Variants in ESRRG observed in about 807,000 individuals in gnomAD.
ESRRG encodes the protein estrogen-related receptor gamma.
In ESRRG, 13 loss-of-function variants were observed where a neutral mutation model predicts 44.0. The observed-to-expected ratio is 0.30, with a 90% confidence interval of 0.19 to 0.47. ESRRG has a LOEUF of 0.47. Ranked by LOEUF, ESRRG falls within the 20% of genes least tolerant of loss-of-function variation. The probability of loss-of-function intolerance (pLI) is 1.00; values close to 1 mark genes in which losing one functional copy is unlikely to be tolerated. For missense variants in ESRRG, 395 were observed against 580.6 expected (o/e 0.68, Z 3.29); for synonymous variants, 215 against 214.6 (o/e 1.00, Z -0.02).
chr1:217,004,145 C>T (rs373993610), intron 1 of ESRRG, among the ~76,000 whole-genome samples: 75 of 152,062 alleles, frequency 4.9e-4, no homozygotes, highest in Non-Finnish European at 7.8e-4. Flanking sequence ...AATTGACAGA[C>T]GATGAAGTAT....
chr1:216,936,070 T>C (rs2064103424), intron 2 of ESRRG, among the ~76,000 whole-genome samples: 2 of 152,098 alleles, frequency 1.3e-5, no homozygotes, highest in Non-Finnish European at 2.9e-5. Flanking sequence ...AGAACCCATT[T>C]GGGAGCCCTC....
rs1359054800 is a variant in ESRRG, at chr1:216,503,491, T to C, written c.*3448A>G. On this transcript the variant is annotated 3_prime_UTR_variant, in exon 7 of 7. Coordinates refer to ENST00000408911, the MANE Select transcript of ESRRG (RefSeq NM_001438.4). ...CAGATGTGAAGCCCATCTACAGCTA[T>C]AGACATGGTTTTATTATTATTATTA... The C allele has an allele frequency of 6.6e-6, 1 of 151,754 alleles. No individual in the cohort carries two copies. 9.4% of individuals were successfully genotyped at this position (151,754 alleles called of 1,614,324 possible).
chr1:216,993,835 T>C (rs576492454), intron 1 of ESRRG, among the ~76,000 whole-genome samples: 77 of 152,350 alleles, frequency 5.1e-4, no homozygotes, highest in Middle Eastern at 3.4e-3. Flanking sequence ...GCCTGAATTA[T>C]AGCCTATAGC....
chr1:216,571,469 A>AAAAC (rs1008610575), intron 3 of ESRRG, among the ~76,000 whole-genome samples: 54 of 152,136 alleles, frequency 3.5e-4, no homozygotes, highest in African/African-American at 1.3e-3. Context: ...AAACAAACAT[A>AAAAC]AAACAAACAA....
chr1:216,918,976 G>A (rs773115086), intron 2 of ESRRG, among the ~76,000 whole-genome samples: 15 of 151,516 alleles, frequency 9.9e-5, no homozygotes, highest in Non-Finnish European at 2.1e-4. Context: ...AATATCAAAT[G>A]CATAATATAA....
chr1:216,775,468 A>C (rs1270474263), intron 2 of ESRRG, among the ~76,000 whole-genome samples: 1 of 145,028 alleles, frequency 6.9e-6, no homozygotes, highest in Admixed American at 7.0e-5. Flanking sequence ...TGTGTTTCTC[A>C]TGTTGGTGAA....
intron 2 of ESRRG, among the ~76,000 whole-genome samples, chr1:216,781,217 G>A (rs1370729152): frequency 6.6e-6 from 1 of 151,696 alleles, no homozygotes; most frequent in African/African-American, 2.4e-5. Flanking sequence ...AACATTTATT[G>A]AGTACTTACT....
chr1:216,505,986 C>T lies in ESRRG; in HGVS notation c.*953G>A, dbSNP rs1288805951. The T allele has an allele frequency of 2.0e-5, 3 of 152,560 alleles. No homozygotes were observed. The highest frequency in any genetic ancestry group is 4.4e-5 in the Non-Finnish European group (3 of 68,028). The allele number at this position is 152,560 out of a possible 1,614,324, so 9.5% of individuals were successfully genotyped here. A position where few individuals can be genotyped will look rare whatever the true frequency, so the allele number is the denominator to read the frequency against. ...TGTTCGTAATTGTTCAAAGCCAGCA[C>T]AAAATTGCAGTATTCTTATTTCTCT... On this transcript the variant is annotated 3_prime_UTR_variant, in exon 7 of 7. Coordinates refer to ENST00000408911, the MANE Select transcript of ESRRG (RefSeq NM_001438.4).
chr1:216,693,212 T>G (rs1005890175), intron 1 of ESRRG, among the ~76,000 whole-genome samples: 24 of 152,260 alleles, frequency 1.6e-4, no homozygotes, highest in African/African-American at 5.3e-4. Flanking sequence ...ACTATGAGCC[T>G]ATTTCTATAA....
rs1418115356 is a variant in ESRRG at position 217,133,181 on chromosome 1, C to T, written c.-230+4486G>A. Among the ~76,000 whole-genome samples the T allele has an allele frequency of 2.0e-5, 3 of 152,226 alleles. No individual in the cohort carries two copies. In the South Asian group the frequency reaches 6.2e-4, roughly 32 times the overall value. On this transcript the variant is annotated intron_variant, in intron 1 of 8. Transcript: ENST00000366940. ...CAGCATTGCCGCATAGAGAGCTGAG[C>T]GAGTGAGTCTCACAGCCAGAGCAAG...
intron 1 of ESRRG, among the ~76,000 whole-genome samples, chr1:216,705,502 C>T (rs1298706578): frequency 2.0e-5 from 3 of 152,068 alleles, no homozygotes; most frequent in African/African-American, 7.2e-5. Context: ...GTTACACTTC[C>T]GTTGAAAGTC....
chr1:217,110,916 A>G (rs781497863), intron 1 of ESRRG, among the ~76,000 whole-genome samples: 10 of 152,156 alleles, frequency 6.6e-5, no homozygotes, highest in Non-Finnish European at 1.3e-4. Flanking sequence ...TTTCCAAGCC[A>G]TTGCATGTAT....
chr1:216,910,857 A>G (rs1023807776), intron 2 of ESRRG, among the ~76,000 whole-genome samples: 1 of 152,226 alleles, frequency 6.6e-6, no homozygotes, highest in Non-Finnish European at 1.5e-5. Context: ...TGCAAAGATC[A>G]CTACTAAGAA....
chr1:216,987,457 G>A (rs1446993814), intron 1 of ESRRG, among the ~76,000 whole-genome samples: 1 of 152,300 alleles, frequency 6.6e-6, no homozygotes, highest in Non-Finnish European at 1.5e-5. Context: ...GTCTGAATGT[G>A]TGTGTACTTT....
At chr1:216,936,322 T>C (rs557955400) in intron 2 of ESRRG, among the ~76,000 whole-genome samples, 1 of 152,240 alleles carries the variant, frequency 6.6e-6, no homozygotes, top group South Asian at 2.1e-4. Context: ...GAAAACAAGT[T>C]AGCATGTCAG....
intron 3 of ESRRG, among the ~76,000 whole-genome samples, chr1:216,611,617 G>T (rs954216421): frequency 6.6e-6 from 1 of 152,096 alleles, no homozygotes; most frequent in African/African-American, 2.4e-5. Flanking sequence ...TATGGGTTTT[G>T]GTCACAAAAC....
intron 1 of ESRRG, among the ~76,000 whole-genome samples, chr1:217,005,608 G>T (rs11809932): frequency 0.12 from 18,973 of 151,790 alleles, 1,967 homozygotes; most frequent in African/African-American, 0.28. Context: ...AGGTAGTTCT[G>T]CTGTTTATTG....
At chr1:216,527,183 T>A (rs939867629) in intron 5 of ESRRG, among the ~76,000 whole-genome samples, 5 of 152,188 alleles carry the variant, frequency 3.3e-5, no homozygotes, top group African/African-American at 1.2e-4. Context: ...TACATGTCTA[T>A]GCAGAAAAGG....
chr1:216,890,692 C>A (rs73097564), intron 2 of ESRRG, among the ~76,000 whole-genome samples: 2,606 of 152,234 alleles, frequency 0.017, 81 homozygotes, highest in African/African-American at 0.059. Flanking sequence ...TTCTCCATTG[C>A]CTAGATGGAC....
Sources: gnomAD v4.1 joint callset for allele counts (sites outside exome capture counted in the v4.1 genomes callset) on GRCh38, gnomAD v4.1.1 for gene constraint, MANE v1.5 for transcripts, NCBI Gene and HGNC (gene_info 2026-07-23, HGNC 2026-07-21) for gene names.